Variants in LUZP1 observed in about 807,000 individuals in gnomAD.
LUZP1 encodes the protein leucine zipper protein 1.
A neutral mutation model predicts 71.3 loss-of-function variants in LUZP1; 25 were observed. The ratio of observed to expected loss-of-function variants is 0.35; its 90% confidence interval spans 0.26 to 0.49. The LOEUF is 0.49. LUZP1 is among the 20% of genes least tolerant of loss of function. The pLI is 0.99. For missense variants in LUZP1, 1,142 were observed against 1,300.8 expected, an observed-to-expected ratio of 0.88 and a Z score of 1.88; for synonymous variants, 481 against 506.4, an observed-to-expected ratio of 0.95 and a Z score of 0.67.
At chr1:23,084,781 C>G (rs1262575111) in exon 5 of LUZP1, 4 of 152,100 alleles carry the variant, frequency 2.6e-5, no homozygotes. Context: ...AATCTGCACA[C>G]CAGGATCAGG....
intron 3 of LUZP1, among the ~76,000 whole-genome samples, chr1:23,102,566 C>A (rs1352476177): frequency 6.6e-6 from 1 of 152,122 alleles, no homozygotes; most frequent in Non-Finnish European, 1.5e-5. Flanking sequence ...GGTTTCTATT[C>A]CAGCTACTGA....
exon 4 of LUZP1, chr1:23,092,070 G>C: frequency 6.2e-7 from 1 of 1,614,098 alleles, no homozygotes; most frequent in Non-Finnish European, 8.5e-7. Flanking sequence ...ATTGGTATCT[G>C]GGAGCTCCAT....
At chr1:23,167,730 C>T (rs1329597819) in intron 2 of LUZP1, among the ~76,000 whole-genome samples, 3 of 152,238 alleles carry the variant, frequency 2.0e-5, no homozygotes, top group Non-Finnish European at 4.4e-5. Flanking sequence ...CCGCAGCCAC[C>T]TCCAAGAGCT....
intron 2 of LUZP1, among the ~76,000 whole-genome samples, chr1:23,161,023 G>C (rs927144574): frequency 1.3e-5 from 2 of 152,162 alleles, no homozygotes. Flanking sequence ...GTCTTGAGGG[G>C]TGGAAAAGAT....
rs1307303812 is a variant in LUZP1 at position 23,093,184 on chromosome 1, C to G, written c.1078G>C (p.Gly360Arg). 1 of 1,614,052 alleles carries G rather than the reference C, an allele frequency of 6.2e-7. No individual in the cohort carries two copies. Among genetic ancestry groups the G allele is most frequent in the Non-Finnish European group, 8.5e-7 (1 of 1,180,030 alleles). The change falls in exon 4 of 5, where the codon GGG (glycine) becomes CGG (arginine). Residue 360 changes from glycine (G) to arginine (R), a missense_variant. Coordinates refer to ENST00000302291, the Ensembl canonical transcript of LUZP1. The surrounding 1 kb of genome is among the most constrained non-coding windows in gnomAD (Gnocchi z 4.2). ...TTGCTGGACAGGAAAGCATCTTCCC[C>G]TTCTACCTCTCCATTTTCTAACTCT...
intron 3 of LUZP1, among the ~76,000 whole-genome samples, chr1:23,103,295 T>A (rs1643946154): frequency 6.6e-6 from 1 of 152,176 alleles, no homozygotes; most frequent in Non-Finnish European, 1.5e-5. Flanking sequence ...TTACCTGTTT[T>A]AAAATCTTAG....
At chr1:23,123,980 T>C (rs1244202825) in intron 2 of LUZP1, among the ~76,000 whole-genome samples, 1 of 152,046 alleles carries the variant, frequency 6.6e-6, no homozygotes, top group African/African-American at 2.4e-5. Context: ...AACAAAAACA[T>C]TCAGATGTCT....
At chr1:23,160,528 G>C (rs1224406829) in intron 2 of LUZP1, among the ~76,000 whole-genome samples, 2 of 152,192 alleles carry the variant, frequency 1.3e-5, no homozygotes, top group Non-Finnish European at 2.9e-5. Flanking sequence ...CACCCTAATA[G>C]TCTCTATATC....
At chr1:23,126,132 A>G (rs1644170222) in intron 2 of LUZP1, among the ~76,000 whole-genome samples, 1 of 152,180 alleles carries the variant, frequency 6.6e-6, no homozygotes, top group African/African-American at 2.4e-5. Flanking sequence ...GTCTTCTGGA[A>G]TGGTATAACC....
chr1:23,114,240 T>A (rs1416070965), intron 2 of LUZP1, among the ~76,000 whole-genome samples: 6 of 152,220 alleles, frequency 3.9e-5, no homozygotes, highest in Non-Finnish European at 7.3e-5. Context: ...AGTTTTCTAG[T>A]GGTCCTAAAT....
chr1:23,162,674 C>T (rs1644477850), intron 2 of LUZP1: 1 of 152,024 alleles, frequency 6.6e-6, no homozygotes, highest in South Asian at 2.1e-4. Flanking sequence ...TTTTAAAATA[C>T]TATTTTGTCC....
At chr1:23,117,454 C>CCTCCCTCTCTCTCTCTCTCTCTCTCTCT (rs1553137817) in intron 2 of LUZP1, among the ~76,000 whole-genome samples, 1 of 13,362 alleles carries the variant, frequency 7.5e-5, no homozygotes, top group Admixed American at 1.3e-3. Context: ...TTTTTTTTTT[C>CCTCCCTCTCTCTCTCTCTCTCTCTCTCT]CTCTCTCTCT....
intron 2 of LUZP1, among the ~76,000 whole-genome samples, chr1:23,131,908 A>G (rs530183693): frequency 6.6e-6 from 1 of 151,682 alleles, no homozygotes; most frequent in East Asian, 1.9e-4. Context: ...CTAGTCTCGA[A>G]CTCCTGACCT....
At position 23,127,629 on chromosome 1, in the gene LUZP1, T is replaced by C. The variant is rs1430543503; in HGVS notation, c.-225-18502A>G. ...AGCTCCGACTCCCGGGTTCACGCCA[T>C]TCTCCTGCCTCAGCCTCCCAAGTAG... is the stretch of plus-strand genomic sequence containing the variant. On this transcript the variant is annotated intron_variant, in intron 2 of 4. Coordinates refer to ENST00000302291, the Ensembl canonical transcript of LUZP1. 2.0e-5 allele frequency among the ~76,000 whole-genome samples: 3 copies of C among 152,028 alleles called. No homozygotes were observed. The East Asian group carries it at 5.8e-4, about 30-fold the overall frequency.
rs927731923 is a variant in LUZP1, at chr1:23,106,985, C to A, written c.-120+2037G>T. Among the ~76,000 whole-genome samples the A allele has an allele frequency of 2.6e-5, 4 of 152,332 alleles. 1 individual carries two copies. The highest frequency in any genetic ancestry group is 6.5e-5 in the Admixed American group (1 of 15,302). ...CTGTAAGGCCCTACATGATCTAGGT[C>A]CCATCACTCATCTGCTGCTCCTTCC... On this transcript the variant is annotated intron_variant, in intron 3 of 4. Coordinates refer to ENST00000302291, the Ensembl canonical transcript of LUZP1.
At chr1:23,150,731 T>G (rs1036600635) in intron 2 of LUZP1, among the ~76,000 whole-genome samples, 2 of 151,998 alleles carry the variant, frequency 1.3e-5, no homozygotes, top group Admixed American at 6.6e-5. Flanking sequence ...GACAAACATA[T>G]CAAAAAACTG....
chr1:23,175,892 G>T (rs1644579063), intron 1 of LUZP1, among the ~76,000 whole-genome samples: 1 of 152,178 alleles, frequency 6.6e-6, no homozygotes, highest in Non-Finnish European at 1.5e-5. Context: ...CTTCCTAGAA[G>T]AGGTGGCATG....
intron 2 of LUZP1, among the ~76,000 whole-genome samples, chr1:23,114,725 C>A (rs556504624): frequency 4.6e-5 from 7 of 152,286 alleles, no homozygotes; most frequent in Non-Finnish European, 7.3e-5. Flanking sequence ...CTGACTAAAG[C>A]GGGAAACTGA....
intron 2 of LUZP1, among the ~76,000 whole-genome samples, chr1:23,143,736 T>A (rs1644322749): frequency 6.6e-6 from 1 of 152,230 alleles, no homozygotes; most frequent in African/African-American, 2.4e-5. Flanking sequence ...CAGTAATACA[T>A]CCCAGCATTC....
Sources: gnomAD v4.1 joint callset for allele counts (sites outside exome capture counted in the v4.1 genomes callset) on GRCh38, gnomAD v4.1.1 for gene constraint, Gnocchi (gnomAD v3.1) non-coding constraint, MANE v1.5 for transcripts, NCBI Gene and HGNC (gene_info 2026-07-23, HGNC 2026-07-21) for gene names.